SZT2: variants seen among roughly 807,000 people sequenced by gnomAD.
The protein encoded by SZT2 is KICSTOR complex protein SZT2.
A neutral mutation model predicts 404.2 loss-of-function variants in SZT2; 216 were observed. The ratio of observed to expected loss-of-function variants is 0.53; its 90% CI spans 0.48 to 0.60. The LOEUF (loss-of-function observed/expected upper bound fraction) is 0.60, where lower values mean the gene tolerates loss of function less well. Among genes scored for constraint, SZT2 ranks in the 20% least tolerant of loss-of-function variants. The pLI, the probability that SZT2 is intolerant of heterozygous loss-of-function variation, is 0.00. For synonymous variants in SZT2, 1,693 were observed against 1,749.9 expected (o/e 0.97, Z 0.81); for missense variants, 3,857 against 4,459.2 (o/e 0.86, Z 3.85).
chr1:43,401,816 A>G (rs1329338890), intron 1 of SZT2, among the ~76,000 whole-genome samples: 4 of 151,964 alleles, frequency 2.6e-5, no homozygotes, highest in Non-Finnish European at 5.9e-5. Context: ...GTACTTTTGC[A>G]TATATCTTAG....
In SZT2 at chr1:43,426,371, C is replaced by A; in HGVS notation, c.3047C>A (p.Pro1016Gln). The change falls in exon 22 of 72, where the codon CCA (proline) becomes CAA (glutamine). Residue 1016 changes from proline (P) to glutamine (Q), a missense_variant. Physicochemically the swap from Pro to Gln is moderately conservative, Grantham distance 76. Coordinates refer to ENST00000634258, the MANE Select transcript of SZT2 (RefSeq NM_001365999.1). The surrounding 1 kb of genome is among the most constrained non-coding windows in gnomAD (Gnocchi z 4.9). ...GAGCAGAGTGTGTGTCGGGCAGAGC[C>A]AGAGGGTGTCCCTTTCGCCGAGGGG... ...QMFFLLLARE[P>Q]EGVPFAEGSC... The A allele has an allele frequency of 6.4e-7, 1 of 1,552,098 alleles. No individual in the cohort carries two copies. Among genetic ancestry groups the A allele is most frequent in the Admixed American group, 1.8e-5 (1 of 54,062 alleles).
chr1:43,447,819 G>C, intron 67 of SZT2, 30 bp from the exon 68 acceptor site: 1 of 1,613,554 alleles, frequency 6.2e-7, no homozygotes, highest in South Asian at 1.1e-5. Context: ...GAACCCCAGA[G>C]TTGACATCTC....
chr1:43,416,072 T>G lies in SZT2; in HGVS notation c.743T>G (p.Leu248Arg), dbSNP rs1391601804. ...VSMIRQGILA[L>R]QLLPSNSSAG... ...ATGATTCGTCAGGGCATCTTGGCACTGCAGTTACTACCCTCGAACTCTAGT... is the reference window on the plus strand; with the variant it reads ...ATGATTCGTCAGGGCATCTTGGCACGGCAGTTACTACCCTCGAACTCTAGT... Residue 248 changes from leucine to arginine, a missense_variant, in exon 6 of 72, where the codon CTG (leucine) becomes CGG (arginine). This residue lies in a region of SZT2 where 536 missense variants were observed against 637.4 expected (regional missense o/e 0.84). Transcript: ENST00000634258. The G allele has an allele frequency of 6.3e-7, 1 of 1,598,392 alleles. No homozygotes were observed.
rs772607010 is a variant in SZT2, at chr1:43,428,284, G to A, written c.3964G>A (p.Asp1322Asn). 34 of 1,614,088 alleles carry A rather than the reference G, an allele frequency of 2.1e-5. No individual in the cohort carries two copies. Among genetic ancestry groups the A allele is most frequent in the Non-Finnish European group, 2.6e-5 (31 of 1,180,038 alleles). Residue 1322 changes from aspartate to asparagine, a missense_variant, in exon 28 of 72, where the codon GAT becomes AAT. Asp to Asn is a conservative substitution (Grantham distance 23). Transcript: ENST00000634258. The stretch of plus-strand genomic sequence containing the variant: ...GCAAGCACAGAGTGTGACCTCCCAG[G>A]ATTTGCTGACAGCGGTAGATGCCTG... Reference protein sequence around the residue: ...LQQAQSVTSQDLLTAVDACEE... With the variant: ...LQQAQSVTSQNLLTAVDACEE...
In SZT2 at chr1:43,425,689, G is replaced by A. The variant is rs748990728; in HGVS notation, c.2814+47G>A. On this transcript the variant is annotated intron_variant, in intron 19 of 71. Coordinates refer to ENST00000634258, the MANE Select transcript of SZT2 (RefSeq NM_001365999.1). The surrounding 1 kb of genome is among the most constrained non-coding windows in gnomAD (Gnocchi z 4.3). ...CCCGCACCTCTCTCACTGGATTGGGGTGCCATCTCTTTTGGAGTACTGCAG... is the reference window on the plus strand; with the variant it reads ...CCCGCACCTCTCTCACTGGATTGGGATGCCATCTCTTTTGGAGTACTGCAG... 4.4e-6 allele frequency: 7 copies of A among 1,607,618 alleles called. No homozygotes were observed. In the Admixed American group the frequency reaches 5.0e-5, roughly 12 times the overall value.
At chr1:43,443,991 T>C (rs1557597656) in intron 62 of SZT2, among the ~76,000 whole-genome samples, 195 bp downstream of exon 62, 1 of 152,230 alleles carries the variant, frequency 6.6e-6, no homozygotes, top group Non-Finnish European at 1.5e-5. Context: ...CTGCAGACCT[T>C]GTATGCTTTA....
At chr1:43,431,687 GC>G (rs1438373151) in intron 35 of SZT2, 28 bp from the exon 36 acceptor site, 2 of 1,611,438 alleles carry the variant, frequency 1.2e-6, no homozygotes, top group Non-Finnish European at 1.7e-6. Context: ...CAAGGGAGAT[GC>G]CCTTTGTCAC....
At position 43,431,248 on chromosome 1, in the gene SZT2, G is replaced by T; in HGVS notation, c.4917-17G>T. On this transcript the variant is annotated splice_polypyrimidine_tract_variant and intron_variant, in intron 33 of 71. Transcript: ENST00000634258. ...GATAGTAACTCCTGACCTTTGACTTGTTCCCACCCTGTTCAGGTCAACATC... is the reference window on the plus strand; with the variant it reads ...GATAGTAACTCCTGACCTTTGACTTTTTCCCACCCTGTTCAGGTCAACATC... The T allele has an allele frequency of 6.3e-7, 1 of 1,594,108 alleles. No homozygotes were observed. The highest frequency in any genetic ancestry group is 1.7e-5 in the Admixed American group (1 of 57,752).
At position 43,395,578 on chromosome 1, in the gene SZT2, G is replaced by C. The variant is rs1266947047; in HGVS notation, c.27+5583G>C. 2.0e-5 allele frequency among the ~76,000 whole-genome samples: 3 copies of C among 152,242 alleles called. No homozygotes were observed. The East Asian group carries it at 5.8e-4, about 29-fold the overall frequency. On this transcript the variant is annotated intron_variant, in intron 1 of 71. Coordinates refer to ENST00000634258, the MANE Select transcript of SZT2 (RefSeq NM_001365999.1). ...GGTCTTCCAAAGTGCTGGAATTGCA[G>C]GCATGGGCCACTGCACGTGGCTGTT...
rs372999369 is a variant in SZT2, at chr1:43,443,287, A to G, written c.8499+20A>G. ...ATCAGTGTGAGTGACCCCAGCTTGC[A>G]TCTTCCTTGAGTATCTGTGATCCTG... is the stretch of plus-strand genomic sequence containing the variant. On this transcript the variant is annotated intron_variant, in intron 60 of 71. Transcript: ENST00000634258. 5.0e-6 allele frequency: 8 copies of G among 1,614,130 alleles called. No individual in the cohort carries two copies. Among genetic ancestry groups the G allele is most frequent in the Non-Finnish European group, 6.8e-6 (8 of 1,180,006 alleles).
At position 43,441,524 on chromosome 1, in the gene SZT2, A is replaced by C. The variant is rs747130801; in HGVS notation, c.7532A>C (p.Glu2511Ala). The C allele has an allele frequency of 3.7e-6, 6 of 1,614,040 alleles. No individual in the cohort carries two copies. The highest frequency in any genetic ancestry group is 5.1e-6 in the Non-Finnish European group (6 of 1,179,978). Residue 2511 changes from glutamate to alanine, a missense_variant, in exon 54 of 72, where the codon GAA becomes GCA. Around this residue, in one of 7 missense-constraint regions of SZT2, gnomAD observed 573 missense variants for 592.4 expected, o/e 0.97. Coordinates refer to ENST00000634258, the MANE Select transcript of SZT2 (RefSeq NM_001365999.1). The surrounding 1 kb of genome is among the most constrained non-coding windows in gnomAD (Gnocchi z 4.8). ...QRQKRRTTQL[E>A]EGEVGTLHPV... ...TTCAGGCGCCGGACAACACAGCTAGAAGAGGGTGAGGTGGGGACCCTTCAT... is the reference window on the plus strand; with the variant it reads ...TTCAGGCGCCGGACAACACAGCTAGCAGAGGGTGAGGTGGGGACCCTTCAT...
chr1:43,445,653 C>T, intron 62 of SZT2: 2 of 585,046 alleles, frequency 3.4e-6, no homozygotes, highest in East Asian at 2.9e-5. Flanking sequence ...GAGGCTTAGT[C>T]TCCACCTCCC....
At chr1:43,430,220 C>T in intron 30 of SZT2, 91 bp from the exon 31 acceptor site, 1 of 1,545,040 alleles carries the variant, frequency 6.5e-7, no homozygotes, top group Non-Finnish European at 8.9e-7. Context: ...TTAGATCAAG[C>T]TGTCTAAGGC....
At chr1:43,436,931 A>G in intron 42 of SZT2, 1 of 554,684 alleles carries the variant, frequency 1.8e-6, no homozygotes, top group South Asian at 2.4e-5. Flanking sequence ...ACCTCTCATT[A>G]GCTCCTTCTC....
chr1:43,392,488 C>T (rs1570525932), intron 1 of SZT2, among the ~76,000 whole-genome samples: 1 of 150,348 alleles, frequency 6.7e-6, no homozygotes, highest in Non-Finnish European at 1.5e-5. Context: ...GATCTTGGCT[C>T]ACTGCAACCT....
Position 43,446,162 on chromosome 1 carries a change from C to CT in SZT2, c.8917-11dup. 1 of 1,614,188 alleles carries CT rather than the reference C, an allele frequency of 6.2e-7. No homozygotes were observed. The highest frequency in any genetic ancestry group is 8.5e-7 in the Non-Finnish European group (1 of 1,180,010). ...CTGGTGAGCCCCCAAACCTTGCCCCCTTTTTTGTTTCTTCAGAGCACTAGC... is the reference window on the plus strand; with the variant it reads ...CTGGTGAGCCCCCAAACCTTGCCCCCTTTTTTTGTTTCTTCAGAGCACTAGC... On this transcript the variant is annotated splice_polypyrimidine_tract_variant and intron_variant, in intron 63 of 71. Transcript: ENST00000634258.
At chr1:43,418,619 G>A (rs1404410897) in intron 7 of SZT2, among the ~76,000 whole-genome samples, 1 of 152,186 alleles carries the variant, frequency 6.6e-6, no homozygotes, top group African/African-American at 2.4e-5. Flanking sequence ...ACAACTGTCA[G>A]TTTTCTCTGG....
At chr1:43,417,790 T>G (rs1651881020) in intron 7 of SZT2, among the ~76,000 whole-genome samples, 1 of 152,114 alleles carries the variant, frequency 6.6e-6, no homozygotes, top group African/African-American at 2.4e-5. Flanking sequence ...AGATTTAAGA[T>G]TTATCAGGGT....
At chr1:43,429,328 T>G (rs1570662567) in intron 28 of SZT2, 1 of 194,982 alleles carries the variant, frequency 5.1e-6, no homozygotes, top group Non-Finnish European at 1.1e-5. Flanking sequence ...AGCCCAGGAG[T>G]TCAAGACCAG....
Sources: allele counts gnomAD v4.1 joint callset (sites outside exome capture counted in the v4.1 genomes callset), GRCh38; gene constraint gnomAD v4.1.1; regional missense constraint gnomAD v4.1.1; non-coding constraint Gnocchi (gnomAD v3.1); transcripts MANE v1.5; gene names NCBI Gene and HGNC (gene_info 2026-07-23, HGNC 2026-07-21).